Variants in PITPNB observed in about 807,000 individuals in gnomAD.
PITPNB encodes phosphatidylinositol transfer protein beta isoform.
In PITPNB, 16 loss-of-function variants were observed where a neutral mutation model predicts 45.9. That is an observed-to-expected ratio of 0.35 (90% CI 0.24 to 0.53). The LOEUF is 0.53. PITPNB is among the 20% of genes least tolerant of loss of function. The pLI is 0.93. For missense variants in PITPNB, 188 were observed against 330.5 expected (o/e 0.57, Z 3.34); for synonymous variants, 112 against 108.9 (o/e 1.03, Z -0.18).
chr22:27,860,162 A>G lies in PITPNB; in HGVS notation c.614T>C (p.Leu205Pro). ...AATGAAGTTTTCTACTTTGCTTTGC[A>G]GTCCCCACCACTTGAATTTGATGGT... ...LVTIKFKWWG[L>P]QSKVENFIQK... The change falls in exon 9 of 12, where the codon CTG becomes CCG. Residue 205 changes from leucine to proline, a missense_variant. Coordinates refer to ENST00000335272, the MANE Select transcript of PITPNB (RefSeq NM_012399.5). 6.2e-7 allele frequency: 1 copy of G among 1,612,952 alleles called. No individual in the cohort carries two copies. The highest frequency in any genetic ancestry group is 8.5e-7 in the Non-Finnish European group (1 of 1,178,988).
At chr22:27,881,505 G>A (rs1328919411) in intron 7 of PITPNB, among the ~76,000 whole-genome samples, 2 of 152,174 alleles carry the variant, frequency 1.3e-5, no homozygotes, top group East Asian at 1.9e-4. Context: ...GTACTCTACT[G>A]AGATCAAGTG....
intron 7 of PITPNB, among the ~76,000 whole-genome samples, chr22:27,890,829 CA>C: frequency 6.6e-6 from 1 of 152,104 alleles, no homozygotes; most frequent in East Asian, 1.9e-4. Flanking sequence ...CAAAACAAAA[CA>C]AAAAACAGAT....
intron 5 of PITPNB, 43 bp from the exon 6 acceptor site, chr22:27,896,669 G>A (rs1316218564): frequency 1.5e-6 from 2 of 1,341,802 alleles, no homozygotes; most frequent in Middle Eastern, 1.8e-4. Context: ...TCTTCTACCT[G>A]TTCCTTGGTG....
At chr22:27,876,840 T>C (rs1934834627) in intron 7 of PITPNB, among the ~76,000 whole-genome samples, 1 of 152,232 alleles carries the variant, frequency 6.6e-6, no homozygotes, top group Non-Finnish European at 1.5e-5. Flanking sequence ...GCCTGCTGGC[T>C]TTGTTAGTAT....
At chr22:27,870,629 A>G (rs1351246096) in intron 8 of PITPNB, among the ~76,000 whole-genome samples, 2 of 152,126 alleles carry the variant, frequency 1.3e-5, no homozygotes, top group East Asian at 3.9e-4. Context: ...TTTGTTCCCT[A>G]TTTCTTCCTT....
In PITPNB at chr22:27,894,851, G is replaced by A. The variant is rs115219624; in HGVS notation, c.373-213C>T. 6.8e-3 allele frequency among the ~76,000 whole-genome samples: 1,038 copies of A among 152,318 alleles called. 7 individuals carry two copies. The highest frequency in any genetic ancestry group is 0.023 in the African/African-American group (941 of 41,560). ...CCCAAATAATAAGGAAGGAGAGAAT[G>A]AGGATGCTGCCAAATGAATAGAAAC... On this transcript the variant is annotated intron_variant, in intron 6 of 11. Coordinates refer to ENST00000335272, the MANE Select transcript of PITPNB (RefSeq NM_012399.5).
chr22:27,856,717 T>C (rs1934184433), intron 10 of PITPNB, among the ~76,000 whole-genome samples: 1 of 152,238 alleles, frequency 6.6e-6, no homozygotes, highest in African/African-American at 2.4e-5. Flanking sequence ...ATGCCAGTGC[T>C]GCATCATGGG....
intron 8 of PITPNB, among the ~76,000 whole-genome samples, chr22:27,864,186 A>C (rs1934415050): frequency 6.6e-6 from 1 of 152,254 alleles, no homozygotes; most frequent in Non-Finnish European, 1.5e-5. Flanking sequence ...TTATTAATGT[A>C]TACATGATAT....
At chr22:27,892,173 C>CA (rs1184528170) in intron 7 of PITPNB, among the ~76,000 whole-genome samples, 1 of 152,120 alleles carries the variant, frequency 6.6e-6, no homozygotes, top group African/African-American at 2.4e-5. Flanking sequence ...GCACCTATCT[C>CA]AAGTGCTGCT....
At chr22:27,910,900 G>C (rs899984920) in intron 3 of PITPNB, 64 bp downstream of exon 3, 1 of 1,130,820 alleles carries the variant, frequency 8.8e-7, no homozygotes, top group Non-Finnish European at 1.3e-6. Flanking sequence ...AGTTAAGTTA[G>C]CTAGTTACAT....
rs1158567271 is a variant in PITPNB, at chr22:27,872,079, TG to T, written c.534+1658del. On this transcript the variant is annotated intron_variant, in intron 8 of 11. Transcript: ENST00000335272. ...TGCAGAACCGTGAGCCAATTAAGCC[TG>T]GTTTTTTTTTTTTTTTTTTTTTTTT... 3.2e-5 allele frequency among the ~76,000 whole-genome samples: 4 copies of T among 123,182 alleles called. No homozygotes were observed. In the East Asian group the frequency reaches 7.4e-4, roughly 23 times the overall value. The allele number at this position is 123,182 out of a possible 152,430, so 80.8% of individuals were successfully genotyped here.
Position 27,851,809 on chromosome 22 carries a change from A to G in PITPNB, c.*1893T>C, listed in dbSNP as rs1211255139. On this transcript the variant is annotated 3_prime_UTR_variant, in exon 12 of 12. Coordinates refer to ENST00000335272, the MANE Select transcript of PITPNB (RefSeq NM_012399.5). ...TCAAATCTCCACAGTTGTTAGAAAAACATTAAAATCCATGCGCCGGGCTCT... is the reference window on the plus strand; with the variant it reads ...TCAAATCTCCACAGTTGTTAGAAAAGCATTAAAATCCATGCGCCGGGCTCT... 4 of 152,192 alleles carry G rather than the reference A, an allele frequency of 2.6e-5. No homozygotes were observed. Among genetic ancestry groups the G allele is most frequent in the African/African-American group, 9.7e-5 (4 of 41,444 alleles). 9.4% of individuals were successfully genotyped at this position (152,192 alleles called of 1,614,324 possible).
At chr22:27,857,627 G>T (rs1027449056) in intron 10 of PITPNB, among the ~76,000 whole-genome samples, 3 of 152,206 alleles carry the variant, frequency 2.0e-5, no homozygotes, top group African/African-American at 7.2e-5. Context: ...CCACTAGCAG[G>T]CCCTGGACAT....
intron 10 of PITPNB, among the ~76,000 whole-genome samples, chr22:27,856,835 G>C (rs1053480851): frequency 1.2e-4 from 19 of 152,232 alleles, no homozygotes; most frequent in African/African-American, 4.6e-4. Flanking sequence ...CTGAAGCCTT[G>C]GGCACTTGGA....
At chr22:27,871,507 A>T (rs1442673171) in intron 8 of PITPNB, among the ~76,000 whole-genome samples, 3 of 152,172 alleles carry the variant, frequency 2.0e-5, no homozygotes, top group Non-Finnish European at 4.4e-5. Context: ...GCACCAGTGG[A>T]GGTAGCCACC....
chr22:27,918,542 G>A (rs2071350969), intron 1 of PITPNB, among the ~76,000 whole-genome samples: 1 of 152,176 alleles, frequency 6.6e-6, no homozygotes, highest in Non-Finnish European at 1.5e-5. Context: ...AAGTAGGTGG[G>A]GCCCGGGATG....
chr22:27,872,663 CT>C (rs35608751), intron 8 of PITPNB, among the ~76,000 whole-genome samples: 32,447 of 152,084 alleles, frequency 0.21, 3,609 homozygotes, highest in South Asian at 0.37. Context: ...CAGTAATCCT[CT>C]TATCTGCATG....
rs1433011388 is a variant in PITPNB at position 27,858,422 on chromosome 22, T to G, written c.733A>C (p.Arg245=). 1.2e-6 allele frequency: 2 copies of G among 1,609,596 alleles called. No homozygotes were observed. The highest frequency in any genetic ancestry group is 2.7e-5 in the African/African-American group (2 of 74,770). The change falls in exon 10 of 12, where the codon AGA becomes CGA. Residue 245 remains arginine, a synonymous_variant. Coordinates refer to ENST00000335272, the MANE Select transcript of PITPNB (RefSeq NM_012399.5). ...WIDLTMEDIR[R]MEDETQKELE... is the part of the protein sequence containing the mutation. The stretch of plus-strand genomic sequence containing the variant: ...TCTTTCTGAGTCTCGTCTTCCATTC[T>G]CCTAATGTCTTCCATCGTGAGATCG...
At chr22:27,917,328 G>A (rs114233911) in intron 1 of PITPNB, among the ~76,000 whole-genome samples, 1 of 152,136 alleles carries the variant, frequency 6.6e-6, no homozygotes, top group African/African-American at 2.4e-5. Flanking sequence ...TTTGGAGGGA[G>A]GAAATACTCC....
Sources: allele counts gnomAD v4.1 joint callset (sites outside exome capture counted in the v4.1 genomes callset), GRCh38; gene constraint gnomAD v4.1.1; transcripts MANE v1.5; gene names NCBI Gene and HGNC (gene_info 2026-07-23, HGNC 2026-07-21).